The following ARMC9 variants were observed in gnomAD, a reference collection of about 807,000 sequenced individuals.
ARMC9 encodes the protein lisH domain-containing protein ARMC9.
A neutral mutation model predicts 107.0 loss-of-function variants in ARMC9; 94 were observed. The observed-to-expected ratio is 0.88, with a 90% CI of 0.74 to 1.04. ARMC9 has a LOEUF of 1.04. ARMC9 is among the 50% of genes least tolerant of loss of function. The pLI, the probability that ARMC9 is intolerant of heterozygous loss-of-function variation, is 0.00. For synonymous variants in ARMC9, 380 were observed against 396.9 expected, an observed-to-expected ratio of 0.96 and a Z score of 0.51; for missense variants, 942 against 1,030.1, an observed-to-expected ratio of 0.91 and a Z score of 1.17.
intron 10 of ARMC9, 54 bp downstream of exon 10, chr2:231,256,674 G>A (rs1002013879): frequency 1.8e-5 from 29 of 1,577,000 alleles, no homozygotes; most frequent in Admixed American, 1.7e-4. Flanking sequence ...TGTGTAAAAC[G>A]GGAATTCAAA....
Position 231,235,219 on chromosome 2 carries a change from C to G in ARMC9, c.623-5C>G, listed in dbSNP as rs772562743. 11 of 1,608,702 alleles carry G rather than the reference C, an allele frequency of 6.8e-6. No homozygotes were observed. Among genetic ancestry groups the G allele is most frequent in the Non-Finnish European group, 4.2e-6 (5 of 1,177,972 alleles). ...TGATGTTGTTTGTTTTAACTGTCTT[C>G]CTAGAAATCTTGCAGCAGCTCCACC... On this transcript the variant is annotated splice_polypyrimidine_tract_variant and splice_region_variant and intron_variant, in intron 7 of 24. Transcript: ENST00000611582.
At chr2:231,233,242 T>C (rs1271160950) in intron 7 of ARMC9, among the ~76,000 whole-genome samples, 1 of 152,252 alleles carries the variant, frequency 6.6e-6, no homozygotes, top group Non-Finnish European at 1.5e-5. Context: ...AATTTGAATG[T>C]AGGTTTTTAG....
chr2:231,302,985 C>T (rs552346811), intron 19 of ARMC9, among the ~76,000 whole-genome samples: 187 of 152,262 alleles, frequency 1.2e-3, no homozygotes, highest in African/African-American at 4.1e-3. Context: ...GCCTGGGTGA[C>T]GGAGCGAGAC....
At chr2:231,263,050 C>G (rs1181999502) in intron 12 of ARMC9, among the ~76,000 whole-genome samples, 1 of 152,182 alleles carries the variant, frequency 6.6e-6, no homozygotes, top group East Asian at 1.9e-4. Context: ...TCTCTTCTGT[C>G]CTTGCCCCTC....
intron 19 of ARMC9, among the ~76,000 whole-genome samples, chr2:231,323,828 T>C (rs1234151884): frequency 2.0e-5 from 3 of 152,210 alleles, no homozygotes; most frequent in African/African-American, 7.2e-5. Context: ...AATTTGGTGA[T>C]GATTTTCACC....
intron 17 of ARMC9, among the ~76,000 whole-genome samples, chr2:231,289,815 A>C (rs1048447557): frequency 6.6e-6 from 1 of 152,130 alleles, no homozygotes; most frequent in East Asian, 1.9e-4. Context: ...CTCCCAGCTC[A>C]GTGTTACTGT....
chr2:231,264,846 C>T (rs1342583678), intron 12 of ARMC9, among the ~76,000 whole-genome samples: 1 of 151,966 alleles, frequency 6.6e-6, no homozygotes, highest in Middle Eastern at 3.2e-3. Context: ...GTGGCTCATG[C>T]CTATAATTGC....
At chr2:231,324,719 G>A (rs1318637326) in intron 19 of ARMC9, among the ~76,000 whole-genome samples, 1 of 151,374 alleles carries the variant, frequency 6.6e-6, no homozygotes, top group African/African-American at 2.4e-5. Context: ...ACTCAGCCTG[G>A]GCAACAAAAG....
intron 20 of ARMC9, among the ~76,000 whole-genome samples, chr2:231,340,802 C>T (rs545903486): frequency 5.5e-4 from 84 of 152,226 alleles, no homozygotes; most frequent in Admixed American, 1.4e-3. Context: ...GCAGGAGAAT[C>T]GCTTGAACCC....
At chr2:231,276,918 C>T (rs1459447705) in intron 15 of ARMC9, 143 bp downstream of exon 15, 1 of 1,242,078 alleles carries the variant, frequency 8.1e-7, no homozygotes, top group East Asian at 2.6e-5. Flanking sequence ...GCATTTCCAA[C>T]TAGGTATCAA....
At chr2:231,327,058 C>CCCT (rs2043372631) in intron 19 of ARMC9, among the ~76,000 whole-genome samples, 1 of 152,156 alleles carries the variant, frequency 6.6e-6, no homozygotes, top group Non-Finnish European at 1.5e-5. Flanking sequence ...CCCTCCATAG[C>CCCT]CAGCAGCTTC....
chr2:231,312,373 A>AATGTCTGTCTGCC (rs2042402941), intron 19 of ARMC9, among the ~76,000 whole-genome samples: 1 of 152,240 alleles, frequency 6.6e-6, no homozygotes, highest in East Asian at 1.9e-4. Flanking sequence ...CATTTCTGCC[A>AATGTCTGTCTGCC]AATTCTACTG....
At position 231,249,073 on chromosome 2, in the gene ARMC9, G is replaced by C. The variant is rs560223883; in HGVS notation, c.880-7513G>C. On this transcript the variant is annotated intron_variant, in intron 9 of 24. Coordinates refer to ENST00000611582, the MANE Select transcript of ARMC9 (RefSeq NM_001352754.2). ...AGAGAAGAAGGGGTTGGCAGAAATG[G>C]CCTCATCTTCAGGGGCTCACTGGTA... is the stretch of plus-strand genomic sequence containing the variant. Among the ~76,000 whole-genome samples, 31 of 152,268 alleles carry C rather than the reference G, an allele frequency of 2.0e-4. 1 individual carries two copies. The highest frequency in any genetic ancestry group is 7.2e-4 in the African/African-American group (30 of 41,540).
At chr2:231,326,949 A>G (rs1362467124) in intron 19 of ARMC9, among the ~76,000 whole-genome samples, 1 of 152,146 alleles carries the variant, frequency 6.6e-6, no homozygotes, top group Non-Finnish European at 1.5e-5. Context: ...CTTAGGGAAC[A>G]CTGTCACCAG....
chr2:231,291,668 T>C (rs1257571550), intron 18 of ARMC9, among the ~76,000 whole-genome samples: 1 of 151,530 alleles, frequency 6.6e-6, no homozygotes, highest in Non-Finnish European at 1.5e-5. Flanking sequence ...ATACAAAAAT[T>C]AGCCAGGTGT....
intron 12 of ARMC9, among the ~76,000 whole-genome samples, chr2:231,269,196 A>G (rs559878058): frequency 3.4e-4 from 52 of 152,140 alleles, no homozygotes; most frequent in Middle Eastern, 3.4e-3. Flanking sequence ...GTATATTTTA[A>G]TCCCTTTTAT....
intron 1 of ARMC9, among the ~76,000 whole-genome samples, chr2:231,200,216 T>G (rs2030617925): frequency 6.6e-6 from 1 of 152,132 alleles, no homozygotes; most frequent in African/African-American, 2.4e-5. Flanking sequence ...GCCTCAAGGT[T>G]TCAAATTCTC....
intron 11 of ARMC9, among the ~76,000 whole-genome samples, chr2:231,260,577 C>A (rs1051135635): frequency 5.3e-5 from 8 of 152,148 alleles, no homozygotes; most frequent in African/African-American, 1.9e-4. Context: ...ACTCGGACGA[C>A]GTATCCAGGA....
chr2:231,320,231 G>A (rs2042922620), intron 19 of ARMC9, among the ~76,000 whole-genome samples: 1 of 152,046 alleles, frequency 6.6e-6, no homozygotes, highest in Non-Finnish European at 1.5e-5. Context: ...GTCCTTATAT[G>A]CCCTTGAGTG....
Sources: gnomAD v4.1 joint callset for allele counts (sites outside exome capture counted in the v4.1 genomes callset) on GRCh38, gnomAD v4.1.1 for gene constraint, MANE v1.5 for transcripts, NCBI Gene and HGNC (gene_info 2026-07-23, HGNC 2026-07-21) for gene names.